DOCK2: variants seen among roughly 807,000 people sequenced by gnomAD.
The protein encoded by DOCK2 is dedicator of cytokinesis protein 2.
In DOCK2, 87 loss-of-function variants were observed where a neutral mutation model predicts 248.9. The ratio of observed to expected loss-of-function variants is 0.35; its 90% CI spans 0.29 to 0.42. The LOEUF is 0.42. Among genes scored for constraint, DOCK2 ranks in the 10% least tolerant of loss-of-function variants. The pLI is 1.00. For missense variants in DOCK2, 1,747 were observed against 2,300.2 expected (o/e 0.76, Z 4.92); for synonymous variants, 805 against 821.6 (o/e 0.98, Z 0.35).
rs758091126 is a variant in DOCK2 at position 169,740,939 on chromosome 5, G to T, written c.2268-6457G>T. Among the ~76,000 whole-genome samples, 9 of 152,216 alleles carry T rather than the reference G, an allele frequency of 5.9e-5. No homozygotes were observed. In the Middle Eastern group the frequency reaches 0.014, roughly 230 times the overall value. On this transcript the variant is annotated intron_variant, in intron 22 of 51. Coordinates refer to ENST00000520908, the MANE Select transcript of DOCK2 (RefSeq NM_004946.3). Reference sequence around the variant, plus strand: ...CAACCTTGACTTCCTGGGCTCGGGCGATCCTCCAGCCTCAGCCTCCCAAAT... The same window carrying T: ...CAACCTTGACTTCCTGGGCTCGGGCTATCCTCCAGCCTCAGCCTCCCAAAT...
At chr5:170,071,157 T>C (rs1757668304) in intron 46 of DOCK2, among the ~76,000 whole-genome samples, 1 of 152,202 alleles carries the variant, frequency 6.6e-6, no homozygotes, top group Non-Finnish European at 1.5e-5. Context: ...CTGCTCATAG[T>C]GAAGGCAGCC....
intron 22 of DOCK2, among the ~76,000 whole-genome samples, chr5:169,734,889 G>A (rs186306953): frequency 2.4e-4 from 37 of 152,280 alleles, no homozygotes; most frequent in African/African-American, 8.4e-4. Context: ...TTAAGGACAC[G>A]AGGGCTTGCA....
chr5:169,827,284 T>A (rs774190574), intron 26 of DOCK2, among the ~76,000 whole-genome samples: 6 of 151,916 alleles, frequency 3.9e-5, no homozygotes, highest in Admixed American at 6.6e-5. Flanking sequence ...GGGCAGGGGG[T>A]TGGAGAGGAG....
intron 29 of DOCK2, 79 bp downstream of exon 29, chr5:169,986,001 G>T: frequency 7.7e-7 from 1 of 1,298,918 alleles, no homozygotes; most frequent in South Asian, 1.6e-5. Context: ...TTAAATTAGG[G>T]ACAATTTCTC....
At chr5:169,756,060 C>G (rs2113720481) in intron 23 of DOCK2, among the ~76,000 whole-genome samples, 2 of 152,344 alleles carry the variant, frequency 1.3e-5, no homozygotes, top group Admixed American at 1.3e-4. Context: ...GTGAGGCCGC[C>G]TGGACTAGAT....
chr5:169,733,343 CCTT>C, intron 22 of DOCK2, among the ~76,000 whole-genome samples: 1 of 151,782 alleles, frequency 6.6e-6, no homozygotes, highest in South Asian at 2.1e-4. Flanking sequence ...TCTGTCACCT[CCTT>C]CTTAAATATC....
chr5:170,045,990 A>C (rs1416644376), intron 39 of DOCK2, 85 bp downstream of exon 39: 1 of 1,287,384 alleles, frequency 7.8e-7, no homozygotes, highest in East Asian at 2.3e-5. Context: ...GGAGATGGGC[A>C]TGAGGGCCAG....
At chr5:169,639,499 G>A (rs1031357163) in intron 1 of DOCK2, among the ~76,000 whole-genome samples, 6 of 152,198 alleles carry the variant, frequency 3.9e-5, no homozygotes, top group African/African-American at 1.4e-4. Flanking sequence ...GGGAAGAGGT[G>A]GTAAGGTGGC....
intron 25 of DOCK2, among the ~76,000 whole-genome samples, chr5:169,783,025 T>C (rs1231555515): frequency 2.6e-5 from 4 of 152,226 alleles, no homozygotes; most frequent in Admixed American, 2.0e-4. Flanking sequence ...CTCAAGGAGC[T>C]TGCCTTTATT....
intron 50 of DOCK2, 47 bp downstream of exon 50, chr5:170,080,330 G>A (rs2113879426): frequency 1.2e-6 from 2 of 1,607,408 alleles, no homozygotes; most frequent in East Asian, 2.2e-5. Context: ...GATAGTGCAG[G>A]CCACCAGCCT....
rs1461077512 is a variant in DOCK2, at chr5:169,717,358, ATACTGC to A, written c.2032-24_2032-19del. The A allele has an allele frequency of 1.2e-6, 2 of 1,606,244 alleles. No homozygotes were observed. The highest frequency in any genetic ancestry group is 4.5e-5 in the East Asian group (2 of 44,808). On this transcript the variant is annotated intron_variant, in intron 20 of 51. Coordinates refer to ENST00000520908, the MANE Select transcript of DOCK2 (RefSeq NM_004946.3). ...TTCCTGCCCTGGGTTTGCCCTGAAA[ATACTGC>A]TGCCTTGCATCTTCCTCAGATTTAC...
chr5:169,717,587 G>T lies in DOCK2; in HGVS notation c.2132+103G>T. 8 of 1,015,668 alleles carry T rather than the reference G, an allele frequency of 7.9e-6. No homozygotes were observed. In the South Asian group the frequency reaches 1.1e-4, roughly 13 times the overall value. The allele number at this position is 1,015,668 out of a possible 1,614,324, so 62.9% of individuals were successfully genotyped here. A position where few individuals can be genotyped will look rare whatever the true frequency, so the allele number is the denominator to read the frequency against. ...AGTAATTTTCTTTTGTGACTCATCT[G>T]TGTGAGCTCTCCATTCTCTAACAAA... On this transcript the variant is annotated intron_variant, in intron 21 of 51. Transcript: ENST00000520908.
chr5:169,670,218 A>G (rs1398293241), intron 3 of DOCK2, among the ~76,000 whole-genome samples: 2 of 152,196 alleles, frequency 1.3e-5, no homozygotes, highest in Non-Finnish European at 2.9e-5. Flanking sequence ...TTGTCTTTCA[A>G]ACGATACTGT....
intron 46 of DOCK2, among the ~76,000 whole-genome samples, chr5:170,073,550 T>C (rs1757746408): frequency 6.6e-6 from 1 of 152,218 alleles, no homozygotes; most frequent in Non-Finnish European, 1.5e-5. Context: ...AGAATGGCTA[T>C]CTTCTCATCC....
chr5:169,841,329 C>T, intron 27 of DOCK2: 2 of 990,132 alleles, frequency 2.0e-6, no homozygotes, highest in Middle Eastern at 5.2e-4. Context: ...TATTCTTCTG[C>T]ATAAACAGTA....
intron 47 of DOCK2, 38 bp from the exon 48 acceptor site, chr5:170,077,672 A>G: frequency 5.6e-6 from 9 of 1,609,474 alleles, no homozygotes; most frequent in Non-Finnish European, 7.6e-6. Context: ...CACCTTCCCC[A>G]GGCTACAGCT....
intron 3 of DOCK2, among the ~76,000 whole-genome samples, chr5:169,669,941 T>C (rs1023721853): frequency 6.6e-6 from 1 of 152,210 alleles, no homozygotes; most frequent in South Asian, 2.1e-4. Flanking sequence ...AAGGAAATAA[T>C]AGAAGCTTCT....
chr5:169,807,494 T>G (rs1436420488), intron 26 of DOCK2, among the ~76,000 whole-genome samples: 1 of 152,120 alleles, frequency 6.6e-6, no homozygotes, highest in Non-Finnish European at 1.5e-5. Context: ...TCATTCTCAG[T>G]TCTTTACCTT....
At chr5:170,019,431 A>G (rs1353164223) in intron 33 of DOCK2, among the ~76,000 whole-genome samples, 1 of 151,374 alleles carries the variant, frequency 6.6e-6, no homozygotes, top group African/African-American at 2.4e-5. Context: ...CACCTGTCCC[A>G]CTCTCTCACC....
Sources: allele counts gnomAD v4.1 joint callset (sites outside exome capture counted in the v4.1 genomes callset), GRCh38; gene constraint gnomAD v4.1.1; transcripts MANE v1.5; gene names NCBI Gene and HGNC (gene_info 2026-07-23, HGNC 2026-07-21).